The following NXPH2 variants were observed in gnomAD, a reference collection of about 807,000 sequenced individuals.
The protein encoded by NXPH2 is neurexophilin-2.
Under a neutral mutation model 19.8 loss-of-function variants are expected in NXPH2, and 5 were observed. That is an observed-to-expected ratio of 0.25 (90% CI 0.13 to 0.53). The LOEUF is 0.53. NXPH2 is among the 20% of genes least tolerant of loss of function. The pLI is 0.96. For synonymous variants in NXPH2, 154 were observed against 127.4 expected, an observed-to-expected ratio of 1.21 and a Z score of -1.41; for missense variants, 289 against 322.8, an observed-to-expected ratio of 0.90 and a Z score of 0.80.
intron 1 of NXPH2, among the ~76,000 whole-genome samples, chr2:138,688,038 A>T (rs534562273): frequency 1.6e-4 from 25 of 152,248 alleles, no homozygotes; most frequent in African/African-American, 5.8e-4. Flanking sequence ...TTTTGGTTCC[A>T]TGTGAACTTT....
At chr2:138,683,145 G>A (rs1680602052) in intron 1 of NXPH2, among the ~76,000 whole-genome samples, 1 of 152,104 alleles carries the variant, frequency 6.6e-6, no homozygotes, top group Admixed American at 6.5e-5. Flanking sequence ...TACAAGTTTT[G>A]CGAAGTCAAA....
chr2:138,689,935 A>T (rs1197713941), intron 1 of NXPH2, among the ~76,000 whole-genome samples: 1 of 152,198 alleles, frequency 6.6e-6, no homozygotes, highest in Non-Finnish European at 1.5e-5. Flanking sequence ...GGGCCTGTAC[A>T]TGCAGGAAGT....
At chr2:138,763,226 C>T (rs1430074106) in intron 1 of NXPH2, among the ~76,000 whole-genome samples, 1 of 152,076 alleles carries the variant, frequency 6.6e-6, no homozygotes, top group East Asian at 1.9e-4. Context: ...GTAAGGAGAT[C>T]AATGGAGGAA....
intron 1 of NXPH2, among the ~76,000 whole-genome samples, chr2:138,745,490 T>C (rs1198586901): frequency 5.2e-5 from 1 of 19,122 alleles, no homozygotes; most frequent in Admixed American, 6.9e-4. Flanking sequence ...CTTCTTTTTT[T>C]GGCGGGGGGG....
At chr2:138,747,143 T>G (rs1219172003) in intron 1 of NXPH2, among the ~76,000 whole-genome samples, 5 of 152,188 alleles carry the variant, frequency 3.3e-5, no homozygotes, top group African/African-American at 1.2e-4. Context: ...TTTGCTACCA[T>G]ACGTAGTGCT....
intron 1 of NXPH2, among the ~76,000 whole-genome samples, chr2:138,682,946 A>T (rs1336867271): frequency 6.6e-6 from 1 of 152,218 alleles, no homozygotes; most frequent in Non-Finnish European, 1.5e-5. Flanking sequence ...AGTTCTCTGT[A>T]AATATTTAGG....
chr2:138,671,192 A>G lies in NXPH2; in HGVS notation c.525T>C (p.Ser175=). ...ATTTGGATTCCTTGGTCTCCAAGGT[A>G]GACTGGGGGGAAACTTCAAATTCCA... The part of the protein sequence containing the change: ...KVVEFEVSPQ[S]TLETKESKSF... Residue 175 remains serine, a synonymous_variant, in exon 2 of 2, where the codon TCT becomes TCC. Coordinates refer to ENST00000272641, the MANE Select transcript of NXPH2 (RefSeq NM_007226.3). The G allele has an allele frequency of 6.2e-7, 1 of 1,613,970 alleles. No homozygotes were observed. The highest frequency in any genetic ancestry group is 1.1e-5 in the South Asian group (1 of 91,084).
chr2:138,691,037 G>A (rs1411092443), intron 1 of NXPH2, among the ~76,000 whole-genome samples: 1 of 152,230 alleles, frequency 6.6e-6, no homozygotes, highest in Non-Finnish European at 1.5e-5. Flanking sequence ...CAGAGAGGCA[G>A]TATGTGAGGA....
chr2:138,706,401 G>A (rs13023589), intron 1 of NXPH2, among the ~76,000 whole-genome samples: 6,342 of 152,260 alleles, frequency 0.042, 197 homozygotes, highest in Non-Finnish European at 0.068. Context: ...ATTAACCAAT[G>A]TTCTCCATTG....
At chr2:138,717,926 CA>C (rs959524383) in intron 1 of NXPH2, among the ~76,000 whole-genome samples, 1 of 151,914 alleles carries the variant, frequency 6.6e-6, no homozygotes, top group Non-Finnish European at 1.5e-5. Flanking sequence ...TTAGACCTCT[CA>C]AACATTATAA....
chr2:138,692,825 G>T (rs1453047093), intron 1 of NXPH2, among the ~76,000 whole-genome samples: 1 of 152,098 alleles, frequency 6.6e-6, no homozygotes, highest in Admixed American at 6.6e-5. Context: ...GTTAGAAGAG[G>T]CCTGGCTGTT....
intron 1 of NXPH2, among the ~76,000 whole-genome samples, chr2:138,748,208 AG>A (rs1397958616): frequency 7.9e-5 from 12 of 152,312 alleles, no homozygotes; most frequent in Admixed American, 3.9e-4. Context: ...GAGCAATTAA[AG>A]TTTGCTTAAG....
chr2:138,769,192 A>G (rs1051717161), intron 1 of NXPH2, among the ~76,000 whole-genome samples: 66 of 152,318 alleles, frequency 4.3e-4, no homozygotes, highest in African/African-American at 1.5e-3. Flanking sequence ...AAAAAGGCTC[A>G]TGTTGGAATA....
chr2:138,777,218 T>G (rs879882823), intron 1 of NXPH2, among the ~76,000 whole-genome samples: 1 of 152,144 alleles, frequency 6.6e-6, no homozygotes, highest in Admixed American at 6.5e-5. Flanking sequence ...GAAGCAACAC[T>G]CATTTTGATA....
At chr2:138,779,610 C>T (rs1682318034) in intron 1 of NXPH2, among the ~76,000 whole-genome samples, 1 of 152,062 alleles carries the variant, frequency 6.6e-6, no homozygotes, top group Admixed American at 6.5e-5. Context: ...GGCAGAAAGC[C>T]CCATCCCAGT....
chr2:138,753,803 G>A (rs551984198), intron 1 of NXPH2, among the ~76,000 whole-genome samples: 1 of 152,028 alleles, frequency 6.6e-6, no homozygotes, highest in Non-Finnish European at 1.5e-5. Flanking sequence ...ATCTATTCCA[G>A]TATTCATGTA....
chr2:138,679,370 C>A (rs946995206), intron 1 of NXPH2, among the ~76,000 whole-genome samples: 1 of 151,496 alleles, frequency 6.6e-6, no homozygotes, highest in African/African-American at 2.4e-5. Flanking sequence ...TCTTCACCTA[C>A]GTGGCAGCGG....
intron 1 of NXPH2, among the ~76,000 whole-genome samples, chr2:138,745,138 C>T (rs1262888819): frequency 2.0e-5 from 3 of 152,204 alleles, no homozygotes; most frequent in Admixed American, 1.3e-4. Context: ...GCAGCTGTAG[C>T]TGGGCATGCC....
chr2:138,709,638 A>T (rs944270943), intron 1 of NXPH2, among the ~76,000 whole-genome samples: 1 of 152,132 alleles, frequency 6.6e-6, no homozygotes, highest in African/African-American at 2.4e-5. Context: ...AGCATACTAA[A>T]TAGTTTCACT....
Sources: allele counts gnomAD v4.1 joint callset (sites outside exome capture counted in the v4.1 genomes callset), GRCh38; gene constraint gnomAD v4.1.1; transcripts MANE v1.5; gene names NCBI Gene and HGNC (gene_info 2026-07-23, HGNC 2026-07-21).